Variants in TMBIM1 observed in about 807,000 individuals in gnomAD.
The protein encoded by TMBIM1 is protein lifeguard 3.
TMBIM1 carries 34 observed loss-of-function variants against 45.1 expected under a neutral mutation model. The observed-to-expected ratio is 0.75, with a 90% CI of 0.57 to 1.00. The LOEUF (loss-of-function observed/expected upper bound fraction) is 1.00. Among genes scored for constraint, TMBIM1 ranks in the 50% least tolerant of loss-of-function variants. The pLI, the probability that TMBIM1 is intolerant of heterozygous loss-of-function variation, is 0.00. For missense variants in TMBIM1, 374 were observed against 402.4 expected (o/e 0.93, Z 0.60); for synonymous variants, 157 against 153.5 (o/e 1.02, Z -0.17).
chr2:218,278,352 G>A (rs1691471136), intron 6 of TMBIM1, 163 bp downstream of exon 6: 2 of 712,094 alleles, frequency 2.8e-6, no homozygotes, highest in Middle Eastern at 2.4e-4. Context: ...AAACACACAT[G>A]GTCCTTTGTA....
At chr2:218,279,133 G>C in intron 4 of TMBIM1, 42 bp from the exon 5 acceptor site, 2 of 1,612,820 alleles carry the variant, frequency 1.2e-6, no homozygotes, top group Non-Finnish European at 1.7e-6. Flanking sequence ...CCTGAGGCTT[G>C]TCTGCCCCAC....
At chr2:218,286,628 T>TC (rs750107932) in intron 1 of TMBIM1, 1 of 152,170 alleles carries the variant, frequency 6.6e-6, no homozygotes, top group Non-Finnish European at 1.5e-5. Context: ...AAGCACCTCC[T>TC]CCCCTGGAGC....
chr2:218,275,981 C>T (rs763007647), intron 11 of TMBIM1, 45 bp downstream of exon 11: 104 of 1,588,196 alleles, frequency 6.5e-5, no homozygotes, highest in Non-Finnish European at 1.7e-6. Context: ...AGATTCCTCC[C>T]CTCATCCCCT....
chr2:218,292,220 G>C (rs1198443673), intron 1 of TMBIM1, among the ~76,000 whole-genome samples: 1 of 152,248 alleles, frequency 6.6e-6, no homozygotes, highest in East Asian at 1.9e-4. Context: ...ACAACACGCT[G>C]CTGGGCTCCC....
intron 1 of TMBIM1, among the ~76,000 whole-genome samples, chr2:218,284,820 G>T (rs1692369560): frequency 6.6e-6 from 1 of 152,370 alleles, no homozygotes; most frequent in South Asian, 2.1e-4. Flanking sequence ...GCTGGGCACA[G>T]TGGCTCACGC....
At chr2:218,276,280 C>T (rs1227196782) in intron 10 of TMBIM1, among the ~76,000 whole-genome samples, 3 of 152,200 alleles carry the variant, frequency 2.0e-5, no homozygotes, top group African/African-American at 7.2e-5. Context: ...GGCCATCCTG[C>T]AATGGCTGTA....
At chr2:218,284,699 A>G (rs1006853916) in intron 1 of TMBIM1, among the ~76,000 whole-genome samples, 3 of 152,222 alleles carry the variant, frequency 2.0e-5, no homozygotes, top group Non-Finnish European at 2.9e-5. Flanking sequence ...TACCATGACC[A>G]TTTCAACTCA....
At position 218,282,074 on chromosome 2, in the gene TMBIM1, G is replaced by A. The variant is rs559662073; in HGVS notation, c.68C>T (p.Pro23Leu). The A allele has an allele frequency of 1.3e-6, 2 of 1,595,478 alleles. No homozygotes were observed. Among genetic ancestry groups the A allele is most frequent in the Non-Finnish European group, 1.7e-6 (2 of 1,171,966 alleles). ...RNPLYPGPPP[P>L]GGYGQPSVLP... ...GACAGATGGCTGCCCATAGCCCCCA[G>A]GGGGCGGAGGGCCTGGGTACAGGGG... is the stretch of plus-strand genomic sequence containing the variant. Residue 23 changes from proline (P) to leucine (L), a missense_variant, in exon 2 of 12, where the codon CCT (proline) becomes CTT (leucine). Pro to Leu is a moderately conservative substitution (Grantham distance 98). Coordinates refer to ENST00000258412, the MANE Select transcript of TMBIM1 (RefSeq NM_022152.6).
intron 1 of TMBIM1, chr2:218,287,119 C>T (rs1375201477): frequency 6.6e-6 from 1 of 152,250 alleles, no homozygotes; most frequent in Non-Finnish European, 1.5e-5. Context: ...AATATCCTTC[C>T]ATCAGCCTGG....
chr2:218,277,252 T>C, intron 9 of TMBIM1, 114 bp downstream of exon 9: 1 of 1,169,704 alleles, frequency 8.5e-7, no homozygotes, highest in Non-Finnish European at 1.3e-6. Flanking sequence ...GTTTTGTAGG[T>C]GCGGATGAGG....
Position 218,275,180 on chromosome 2 carries a change from CCA to C in TMBIM1, c.*293_*294del, listed in dbSNP as rs1470788804. ...GGCTCTTTTCATATTCCTCACAACC[CCA>C]GCTGTTAGGAAGAATGTGGTGTCAT... is the stretch of plus-strand genomic sequence containing the variant. On this transcript the variant is annotated 3_prime_UTR_variant, in exon 12 of 12. Transcript: ENST00000258412. The C allele has an allele frequency of 1.1e-5, 3 of 281,410 alleles. No homozygotes were observed. The South Asian group carries it at 3.6e-4, about 33-fold the overall frequency. The allele number at this position is 281,410 out of a possible 1,614,324, so 17.4% of individuals were successfully genotyped here. A position where few individuals can be genotyped will look rare whatever the true frequency, so the allele number is the denominator to read the frequency against.
chr2:218,281,863 G>T, intron 2 of TMBIM1, 77 bp downstream of exon 2: 1 of 1,110,446 alleles, frequency 9.0e-7, no homozygotes, highest in South Asian at 1.4e-5. Flanking sequence ...AAGAGAAAAG[G>T]GGCAGGAGGC....
At chr2:218,278,437 A>T in intron 6 of TMBIM1, 78 bp downstream of exon 6, 1 of 1,419,862 alleles carries the variant, frequency 7.0e-7, no homozygotes, top group Non-Finnish European at 1.0e-6. Context: ...GCTATAAAGG[A>T]ATCCTTCTTT....
intron 1 of TMBIM1, among the ~76,000 whole-genome samples, chr2:218,282,899 G>A (rs1195492368): frequency 6.6e-6 from 1 of 152,196 alleles, no homozygotes; most frequent in African/African-American, 2.4e-5. Flanking sequence ...AAATAACAGC[G>A]GTGGCGTGTC....
At chr2:218,282,827 G>A (rs904197576) in intron 1 of TMBIM1, among the ~76,000 whole-genome samples, 1 of 152,240 alleles carries the variant, frequency 6.6e-6, no homozygotes, top group Admixed American at 6.5e-5. Flanking sequence ...GGTGGTACAG[G>A]GGCTGGGGGC....
chr2:218,289,735 A>G (rs1436212168), intron 1 of TMBIM1, among the ~76,000 whole-genome samples: 1 of 151,372 alleles, frequency 6.6e-6, no homozygotes, highest in Non-Finnish European at 1.5e-5. Flanking sequence ...TGGCTCCCCA[A>G]GAACCTACAC....
At chr2:218,280,213 G>C in intron 2 of TMBIM1, 87 bp from the exon 3 acceptor site, 1 of 974,824 alleles carries the variant, frequency 1.0e-6, no homozygotes, top group Non-Finnish European at 1.6e-6. Flanking sequence ...CAAAGTCTCA[G>C]GGATCTCCAG....
rs113996885 is a variant in TMBIM1, at chr2:218,277,604, C to G, written c.551+29G>C. On this transcript the variant is annotated intron_variant, in intron 8 of 11. Coordinates refer to ENST00000258412, the MANE Select transcript of TMBIM1 (RefSeq NM_022152.6). ...CCCACTCCCCACAATACACATTTCC[C>G]AAGAGTGGTGCTTTATCCCTGAATG... is the stretch of plus-strand genomic sequence containing the variant. The G allele has an allele frequency of 9.9e-4, 1,591 of 1,614,132 alleles. 13 individuals are homozygous for G. The African/African-American group carries it at 0.018, about 18-fold the overall frequency.
chr2:218,279,406 C>G (rs772700002), intron 3 of TMBIM1, 53 bp from the exon 4 acceptor site: 6 of 1,487,056 alleles, frequency 4.0e-6, no homozygotes, highest in Non-Finnish European at 5.4e-6. Context: ...TGGCCTGCCC[C>G]AGGAAGCTGC....
Sources: allele counts gnomAD v4.1 joint callset (sites outside exome capture counted in the v4.1 genomes callset), GRCh38; gene constraint gnomAD v4.1.1; transcripts MANE v1.5; gene names NCBI Gene and HGNC (gene_info 2026-07-23, HGNC 2026-07-21).